The following BTAF1 variants were observed in gnomAD, a reference collection of about 807,000 sequenced individuals.
BTAF1 encodes the protein B-TFIID TATA-box binding protein associated factor 1.
Under a neutral mutation model 227.1 loss-of-function variants are expected in BTAF1, and 38 were observed. The ratio of observed to expected loss-of-function variants is 0.17; its 90% CI spans 0.13 to 0.22. BTAF1 has a LOEUF of 0.22. BTAF1 is among the 10% of genes least tolerant of loss of function. The pLI, the probability that BTAF1 is intolerant of heterozygous loss-of-function variation, is 1.00. For synonymous variants in BTAF1, 742 were observed against 751.9 expected (o/e 0.99, Z 0.21); for missense variants, 1,598 against 2,204.0 (o/e 0.73, Z 5.51).
chr10:91,988,847 A>C (rs1848572898), intron 19 of BTAF1, among the ~76,000 whole-genome samples: 1 of 152,244 alleles, frequency 6.6e-6, no homozygotes, highest in Non-Finnish European at 1.5e-5. Context: ...GTTTCACCAG[A>C]GTATTCTGCG....
intron 1 of BTAF1, among the ~76,000 whole-genome samples, chr10:91,929,756 G>A (rs972509831): frequency 6.6e-6 from 1 of 152,062 alleles, no homozygotes; most frequent in Non-Finnish European, 1.5e-5. Context: ...AGGTCTCTCT[G>A]TGTTGGCCAG....
chr10:91,942,756 A>G (rs1210389392), intron 4 of BTAF1, among the ~76,000 whole-genome samples, 188 bp downstream of exon 4: 2 of 152,202 alleles, frequency 1.3e-5, no homozygotes, highest in East Asian at 3.8e-4. Flanking sequence ...AAGCTACAAT[A>G]TGAGTATTTT....
intron 33 of BTAF1, 148 bp from the exon 34 acceptor site, chr10:92,018,635 C>G (rs975604318): frequency 9.5e-6 from 6 of 629,092 alleles, no homozygotes; most frequent in Non-Finnish European, 1.5e-5. Flanking sequence ...TGAACTGGTT[C>G]TTGAAGAATG....
intron 30 of BTAF1, among the ~76,000 whole-genome samples, chr10:92,012,152 G>C (rs1473617472): frequency 1.3e-4 from 1 of 7,638 alleles, no homozygotes; most frequent in Non-Finnish European, 2.1e-4. Context: ...CCCCTCCCCT[G>C]CTCTCCTCCC....
At chr10:91,972,082 G>A (rs985106030) in intron 14 of BTAF1, among the ~76,000 whole-genome samples, 1 of 152,058 alleles carries the variant, frequency 6.6e-6, no homozygotes, top group Non-Finnish European at 1.5e-5. Context: ...CATGGTCATA[G>A]CATTTCTAAA....
At chr10:92,014,288 G>A (rs1020270546) in intron 32 of BTAF1, among the ~76,000 whole-genome samples, 3 of 152,088 alleles carry the variant, frequency 2.0e-5, no homozygotes, top group African/African-American at 7.2e-5. Flanking sequence ...GAGTGCAGGA[G>A]CACAGTCATG....
intron 11 of BTAF1, among the ~76,000 whole-genome samples, chr10:91,960,462 T>C (rs1846422376): frequency 6.6e-6 from 1 of 152,236 alleles, no homozygotes; most frequent in Non-Finnish European, 1.5e-5. Context: ...CATTTAAATA[T>C]TGAATACATG....
intron 35 of BTAF1, among the ~76,000 whole-genome samples, chr10:92,025,877 C>G (rs575507161): frequency 6.6e-6 from 1 of 151,688 alleles, no homozygotes; most frequent in Non-Finnish European, 1.5e-5. Context: ...GTTAGAGACC[C>G]GGGGAGGGAC....
Position 91,945,762 on chromosome 10 carries a change from G to C in BTAF1, c.400+3194G>C, listed in dbSNP as rs538893000. Among the ~76,000 whole-genome samples, 70 of 152,334 alleles carry C rather than the reference G, an allele frequency of 4.6e-4. 1 individual carries two copies. The South Asian group carries it at 0.014, about 31-fold the overall frequency. ...TGTGAACATGGATGTACAGATATCT[G>C]TTTGAGTTACTGCTTTCAGTTCTTT... is the stretch of plus-strand genomic sequence containing the variant. On this transcript the variant is annotated intron_variant, in intron 4 of 37. Transcript: ENST00000265990.
intron 35 of BTAF1, among the ~76,000 whole-genome samples, chr10:92,025,830 A>C (rs980327846): frequency 6.6e-6 from 1 of 151,304 alleles, no homozygotes; most frequent in Non-Finnish European, 1.5e-5. Flanking sequence ...AAAAAAAAAA[A>C]AACAAGCATC....
intron 1 of BTAF1, among the ~76,000 whole-genome samples, chr10:91,925,786 A>G (rs906934846): frequency 6.6e-6 from 1 of 152,192 alleles, no homozygotes; most frequent in Non-Finnish European, 1.5e-5. Flanking sequence ...CTGGGATTAC[A>G]GGCGTGAGCC....
intron 18 of BTAF1, among the ~76,000 whole-genome samples, chr10:91,983,992 A>G (rs1386343377): frequency 6.6e-6 from 1 of 151,858 alleles, no homozygotes; most frequent in Non-Finnish European, 1.5e-5. Context: ...TTCTGTGTGC[A>G]TGTTCTGTAG....
At chr10:92,023,129 A>T (rs1017049017) in intron 34 of BTAF1, among the ~76,000 whole-genome samples, 1 of 152,170 alleles carries the variant, frequency 6.6e-6, no homozygotes, top group Non-Finnish European at 1.5e-5. Context: ...AGCCTAAATC[A>T]TATTATTTGC....
intron 14 of BTAF1, among the ~76,000 whole-genome samples, chr10:91,979,510 A>T (rs953057990): frequency 6.6e-6 from 1 of 152,134 alleles, no homozygotes; most frequent in Non-Finnish European, 1.5e-5. Context: ...TTAAACATTT[A>T]TTATCCCTAG....
rs1564705884 is a variant in BTAF1, at chr10:91,997,739, C to T, written c.3648C>T (p.Leu1216=). Residue 1216 remains leucine, a synonymous_variant, in exon 25 of 38, where the codon CTC becomes CTT. Coordinates refer to ENST00000265990, the MANE Select transcript of BTAF1 (RefSeq NM_003972.3). The stretch of plus-strand genomic sequence containing the variant: ...AGTGCTTTGCAACGCTAATTAGACT[C>T]ATGCCACTTGAGGTAAGTCAAAGAT... The part of the protein sequence containing the change: ...ATQCFATLIR[L]MPLEAGIPDP... 2 of 1,613,386 alleles carry T rather than the reference C, an allele frequency of 1.2e-6. No homozygotes were observed. Among genetic ancestry groups the T allele is most frequent in the African/African-American group, 1.3e-5 (1 of 74,924 alleles).
At chr10:92,025,116 T>C (rs1259799469) in intron 35 of BTAF1, 149 bp downstream of exon 35, 10 of 658,722 alleles carry the variant, frequency 1.5e-5, no homozygotes, top group East Asian at 2.8e-5. Context: ...TTTTTAACTA[T>C]AGAACTACAT....
At chr10:91,946,961 T>C (rs4933702) in intron 4 of BTAF1, among the ~76,000 whole-genome samples, 145,643 of 152,074 alleles carry the variant, frequency 0.96, 70,093 homozygotes, top group East Asian at 1. Context: ...TGCCTTGGCT[T>C]CTTCCTGCAG....
chr10:92,021,419 A>G (rs1851110754), intron 34 of BTAF1, among the ~76,000 whole-genome samples: 1 of 152,240 alleles, frequency 6.6e-6, no homozygotes, highest in African/African-American at 2.4e-5. Flanking sequence ...GGTGTGAATT[A>G]GTTGCCAGTA....
intron 24 of BTAF1, among the ~76,000 whole-genome samples, chr10:91,996,808 A>G (rs571142845): frequency 1.2e-4 from 18 of 152,320 alleles, no homozygotes; most frequent in African/African-American, 4.3e-4. Flanking sequence ...ATTGCTATTG[A>G]TTTTAAAACA....
Sources: gnomAD v4.1 joint callset for allele counts (sites outside exome capture counted in the v4.1 genomes callset) on GRCh38, gnomAD v4.1.1 for gene constraint, MANE v1.5 for transcripts, NCBI Gene and HGNC (gene_info 2026-07-23, HGNC 2026-07-21) for gene names.